The following PASD1 variants were observed in gnomAD, a reference collection of about 807,000 sequenced individuals.
PASD1 encodes the protein PAS domain containing repressor 1.
A neutral mutation model predicts 58.8 loss-of-function variants in PASD1; 13 were observed. That is an observed-to-expected ratio of 0.22 (90% CI 0.14 to 0.35). The LOEUF (loss-of-function observed/expected upper bound fraction) is 0.35. Ranked by LOEUF, PASD1 falls within the 10% of genes least tolerant of loss-of-function variation. The pLI, the probability that PASD1 is intolerant of heterozygous loss-of-function variation, is 1.00. For synonymous variants in PASD1, 236 were observed against 216.7 expected (o/e 1.09, Z -0.78); for missense variants, 734 against 568.3 (o/e 1.29, Z -2.96).
At chrX:151,663,294 A>G (rs1346048630) in intron 10 of PASD1, among the ~76,000 whole-genome samples, 1 of 112,185 alleles carries the variant, frequency 8.9e-6, no homozygotes, top group African/African-American at 3.2e-5. Flanking sequence ...TGTAAGAGGA[A>G]TCATATGACA....
rs1343511885 is a variant in PASD1, at chrX:151,671,685, A to G, written c.1343A>G (p.His448Arg). ...GGGCAAGTGAAGCGGCCTCTCCCAC[A>G]TCCCAAGGACGTCAAGTGTTTCTGT... ...HAGQVKRPLP[H>R]PKDVKCFCGL... The change falls in exon 13 of 16, where the codon CAT (histidine) becomes CGT (arginine). Residue 448 changes from histidine (H) to arginine (R), a missense_variant. Transcript: ENST00000370357. 1 of 1,210,529 alleles carries G rather than the reference A, an allele frequency of 8.3e-7. No homozygotes were observed. Among genetic ancestry groups the G allele is most frequent in the South Asian group, 1.8e-5 (1 of 56,939 alleles).
rs765174577 is a variant in PASD1 at position 151,671,049 on chromosome X, A to G, written c.1083A>G (p.Pro361=). Residue 361 remains proline, a synonymous_variant, in exon 12 of 16, where the codon CCA becomes CCG. Transcript: ENST00000370357. ...AAGASAQPLQ[P]SSPVAYDIIS... is the part of the protein sequence containing the mutation. Reference sequence around the variant, plus strand: ...ATTCCTCCCCACAGCCATTACAGCCATCATCACCAGTTGCATATGACATCA... The same window carrying G: ...ATTCCTCCCCACAGCCATTACAGCCGTCATCACCAGTTGCATATGACATCA... The G allele has an allele frequency of 8.3e-7, 1 of 1,211,105 alleles. No individual in the cohort carries two copies. Among genetic ancestry groups the G allele is most frequent in the Non-Finnish European group, 1.1e-6 (1 of 895,116 alleles).
At chrX:151,640,791 C>T (rs182130765) in intron 8 of PASD1, among the ~76,000 whole-genome samples, 8 of 111,685 alleles carry the variant, frequency 7.2e-5, no homozygotes, top group Non-Finnish European at 1.3e-4. Context: ...GCCTTCTCTA[C>T]GTTTGAAAAG....
intron 1 of PASD1, among the ~76,000 whole-genome samples, chrX:151,585,915 T>C (rs1445366138): frequency 9.0e-6 from 1 of 111,594 alleles, no homozygotes; most frequent in African/African-American, 3.3e-5. Context: ...ATTCTGTTGA[T>C]AAATAAGGGA....
At position 151,633,019 on chromosome X, in the gene PASD1, A is replaced by C. The variant is rs768011632; in HGVS notation, c.629+7489A>C. 3.1e-3 allele frequency among the ~76,000 whole-genome samples: 350 copies of C among 112,358 alleles called. 1 individual carries two copies. The highest frequency in any genetic ancestry group is 5.1e-3 in the Non-Finnish European group (270 of 53,293). On this transcript the variant is annotated intron_variant, in intron 8 of 15. Coordinates refer to ENST00000370357, the MANE Select transcript of PASD1 (RefSeq NM_173493.3). ...CTAATCTATGCAGACACCATTAACTACAAAGGGCTACCTGTGAACATAGCA... is the reference window on the plus strand; with the variant it reads ...CTAATCTATGCAGACACCATTAACTCCAAAGGGCTACCTGTGAACATAGCA...
chrX:151,614,429 T>G (rs932150475), intron 4 of PASD1, among the ~76,000 whole-genome samples: 5 of 111,832 alleles, frequency 4.5e-5, no homozygotes, highest in African/African-American at 1.6e-4. Flanking sequence ...TAGCAAGGCC[T>G]TCATATTCCA....
chrX:151,674,481 T>C (rs1319208194), intron 15 of PASD1, among the ~76,000 whole-genome samples: 1 of 113,009 alleles, frequency 8.8e-6, no homozygotes. Flanking sequence ...GTTTTTAATC[T>C]GAGCTCATCG....
At chrX:151,654,606 A>G (rs2014212496) in intron 9 of PASD1, among the ~76,000 whole-genome samples, 1 of 112,260 alleles carries the variant, frequency 8.9e-6, no homozygotes, top group Non-Finnish European at 1.9e-5. Context: ...GGAATGATGA[A>G]CAATGTCAGC....
chrX:151,646,574 A>G, intron 8 of PASD1, among the ~76,000 whole-genome samples: 1 of 112,743 alleles, frequency 8.9e-6, no homozygotes, highest in East Asian at 2.8e-4. Flanking sequence ...AGTGACTGCC[A>G]TATTGGACAA....
At chrX:151,642,721 A>T in intron 8 of PASD1, among the ~76,000 whole-genome samples, 1 of 112,483 alleles carries the variant, frequency 8.9e-6, no homozygotes, top group South Asian at 3.7e-4. Flanking sequence ...GATAAAACTT[A>T]ATGACTTAGA....
intron 1 of PASD1, among the ~76,000 whole-genome samples, chrX:151,581,395 C>A (rs2124231082): frequency 9.1e-6 from 1 of 109,406 alleles, no homozygotes; most frequent in African/African-American, 3.3e-5. Flanking sequence ...GTTTGAGGAC[C>A]AGCCTGGGAA....
intron 4 of PASD1, among the ~76,000 whole-genome samples, chrX:151,614,425 G>A: frequency 9.0e-6 from 1 of 111,564 alleles, no homozygotes; most frequent in Non-Finnish European, 1.9e-5. Context: ...TCTGTAGCAA[G>A]GCCTTCATAT....
At chrX:151,657,336 T>C (rs1391963802) in intron 9 of PASD1, among the ~76,000 whole-genome samples, 1 of 111,812 alleles carries the variant, frequency 8.9e-6, no homozygotes, top group Non-Finnish European at 1.9e-5. Context: ...TTGTTGTTTC[T>C]CTGCCAGACT....
rs1310615863 is a variant in PASD1, at chrX:151,671,082, G to A, written c.1116G>A (p.Gln372=). 8.3e-7 allele frequency: 1 copy of A among 1,211,185 alleles called. No individual in the cohort carries two copies. Among genetic ancestry groups the A allele is most frequent in the Non-Finnish European group, 1.1e-6 (1 of 895,162 alleles). ...SSPVAYDIIS[Q]ELELMKKLKE... Reference sequence around the variant, plus strand: ...CAGTTGCATATGACATCATTAGCCAGGAACTGGAACTGATGAAGAAGTTGA... The same window carrying A: ...CAGTTGCATATGACATCATTAGCCAAGAACTGGAACTGATGAAGAAGTTGA... The change falls in exon 12 of 16, where the codon CAG becomes CAA. Residue 372 remains glutamine (Q), a synonymous_variant. Transcript: ENST00000370357.
In PASD1 at chrX:151,664,213, C is replaced by G; in HGVS notation, c.936C>G (p.Asp312Glu). ...VDLEFSVDQV[D>E]SVDQEGPMDQ... ...TGGAGTTCTCGGTGGATCAGGTGGA[C>G]TCAGTGGACCAGGAGGGCCCAATGG... The change falls in exon 11 of 16, where the codon GAC (aspartate) becomes GAG (glutamate). Residue 312 changes from aspartate (D) to glutamate (E), a missense_variant. Asp to Glu is a conservative substitution (Grantham distance 45). Transcript: ENST00000370357. 3 of 1,210,023 alleles carry G rather than the reference C, an allele frequency of 2.5e-6. No individual in the cohort carries two copies. The highest frequency in any genetic ancestry group is 3.4e-6 in the Non-Finnish European group (3 of 894,930).
intron 8 of PASD1, among the ~76,000 whole-genome samples, chrX:151,626,957 A>G (rs138726475): frequency 0.028 from 3,086 of 111,766 alleles, 97 homozygotes; most frequent in African/African-American, 0.093. Context: ...CCTTTAGCTG[A>G]TGCTACACAC....
chrX:151,584,618 A>G (rs1391186871), intron 1 of PASD1, among the ~76,000 whole-genome samples: 1 of 111,859 alleles, frequency 8.9e-6, no homozygotes, highest in Non-Finnish European at 1.9e-5. Flanking sequence ...ACAGCACTTT[A>G]ACCACTAGAT....
rs201838325 is a variant in PASD1 at position 151,637,878 on chromosome X, A to AT, written c.630-10733dup. 5.5e-3 allele frequency among the ~76,000 whole-genome samples: 614 copies of AT among 112,097 alleles called. 6 individuals carry two copies. The highest frequency in any genetic ancestry group is 0.018 in the African/African-American group (560 of 30,911). On this transcript the variant is annotated intron_variant, in intron 8 of 15. Coordinates refer to ENST00000370357, the MANE Select transcript of PASD1 (RefSeq NM_173493.3). ...TTTGAATCTTTTGCCTAATTTTAAAATTTTGTTGTTTGTTTTCTTACTGAA... is the reference window on the plus strand; with the variant it reads ...TTTGAATCTTTTGCCTAATTTTAAAATTTTTGTTGTTTGTTTTCTTACTGAA...
Position 151,672,372 on chromosome X carries a change from C to G in PASD1, c.1627C>G (p.Leu543Val), listed in dbSNP as rs138150195. 386 of 1,201,468 alleles carry G rather than the reference C, an allele frequency of 3.2e-4. 6 individuals are homozygous for G. The highest frequency in any genetic ancestry group is 5.4e-5 in the Non-Finnish European group (48 of 890,735). ...GCAGAGGCGGCAAAAGAAGAAGAAG[C>G]TACAGGAGCGGAAGAAGTGGCAGGG... ...QEQRRQKKKK[L>V]QERKKWQGQM... Residue 543 changes from leucine to valine, a missense_variant, in exon 14 of 16, where the codon CTA becomes GTA. Leu to Val is a conservative substitution (Grantham distance 32). Transcript: ENST00000370357.
Sources: gnomAD v4.1 joint callset for allele counts (sites outside exome capture counted in the v4.1 genomes callset) on GRCh38, gnomAD v4.1.1 for gene constraint, MANE v1.5 for transcripts, NCBI Gene and HGNC (gene_info 2026-07-23, HGNC 2026-07-21) for gene names.